Variants in PFAS observed in about 807,000 individuals in gnomAD.
The protein encoded by PFAS is phosphoribosylformylglycinamidine synthase.
In PFAS, 97 loss-of-function variants were observed where a neutral mutation model predicts 140.6. The ratio of observed to expected loss-of-function variants is 0.69; its 90% CI spans 0.59 to 0.82. The LOEUF (loss-of-function observed/expected upper bound fraction) is 0.82, where lower values mean the gene tolerates loss of function less well. PFAS is among the 40% of genes least tolerant of loss of function. The pLI is 0.00. For synonymous variants in PFAS, 679 were observed against 718.8 expected, an observed-to-expected ratio of 0.94 and a Z score of 0.88; for missense variants, 1,656 against 1,780.2, an observed-to-expected ratio of 0.93 and a Z score of 1.26.
intron 3 of PFAS, 147 bp from the exon 4 acceptor site, chr17:8,254,880 G>A (rs1412170027): frequency 3.2e-6 from 2 of 617,660 alleles, no homozygotes; most frequent in Non-Finnish European, 5.9e-6. Flanking sequence ...TTTAAAAGCA[G>A]GTTTCTTGTT....
At position 8,267,259 on chromosome 17, in the gene PFAS, C is replaced by G; in HGVS notation, c.3175+24C>G. The G allele has an allele frequency of 6.3e-7, 1 of 1,599,050 alleles. No homozygotes were observed. Among genetic ancestry groups the G allele is most frequent in the African/African-American group, 1.3e-5 (1 of 74,774 alleles). Reference sequence around the variant, plus strand: ...TGGTGAGGGAGTGTGTGCAGAGGCTCCGCGTCCTGGGGGCACTGAGCCTGG... The same window carrying G: ...TGGTGAGGGAGTGTGTGCAGAGGCTGCGCGTCCTGGGGGCACTGAGCCTGG... On this transcript the variant is annotated intron_variant, in intron 24 of 27. Transcript: ENST00000314666. This position sits in a 1 kb window ranked among gnomAD's most constrained non-coding sequence, Gnocchi z 4.9.
rs1029346913 is a variant in PFAS, at chr17:8,267,882, T to C, written c.3382+217T>C. On this transcript the variant is annotated intron_variant, in intron 26 of 27. Transcript: ENST00000314666. This position sits in a 1 kb window ranked among gnomAD's most constrained non-coding sequence, Gnocchi z 4.9. ...TATATACACATATGTAATTAAAATA[T>C]ATATTATTAAATATATATTATTTAT... 2.1e-5 allele frequency among the ~76,000 whole-genome samples: 3 copies of C among 146,314 alleles called. No homozygotes were observed. The highest frequency in any genetic ancestry group is 4.5e-5 in the Non-Finnish European group (3 of 66,850).
chr17:8,248,884 T>C (rs542964894), upstream of PFAS, among the ~76,000 whole-genome samples: 1 of 152,290 alleles, frequency 6.6e-6, no homozygotes, highest in East Asian at 1.9e-4. Flanking sequence ...AGTGACATCC[T>C]GTCCGGCATC....
At chr17:8,253,572 T>C (rs1419972298) in intron 1 of PFAS, among the ~76,000 whole-genome samples, 3 of 152,160 alleles carry the variant, frequency 2.0e-5, no homozygotes, top group Non-Finnish European at 2.9e-5. Flanking sequence ...GGAGTTTTGC[T>C]CTTGTTGCCC....
chr17:8,260,833 C>T (rs142045903), intron 11 of PFAS, among the ~76,000 whole-genome samples: 171 of 152,174 alleles, frequency 1.1e-3, no homozygotes, highest in African/African-American at 3.8e-3. Flanking sequence ...GCCGTGTTAG[C>T]CAGGGTGGTC....
At chr17:8,256,707 C>T in intron 8 of PFAS, 59 bp downstream of exon 8, 1 of 1,592,544 alleles carries the variant, frequency 6.3e-7, no homozygotes. Context: ...GGCAAAGGTC[C>T]CAGGCCCCTG....
chr17:8,266,740 A>G lies in PFAS; in HGVS notation c.2822-13A>G. On this transcript the variant is annotated splice_polypyrimidine_tract_variant and intron_variant, in intron 22 of 27. Transcript: ENST00000314666. The surrounding 1 kb of genome is among the most constrained non-coding windows in gnomAD (Gnocchi z 5.0). ...TTCTTGCATCCCCCTGACTCCCCAC[A>G]TTGCTCTCCCAGTCCTGTCTGTGCT... The G allele has an allele frequency of 6.3e-7, 1 of 1,587,842 alleles. No homozygotes were observed. Among genetic ancestry groups the G allele is most frequent in the Non-Finnish European group, 8.6e-7 (1 of 1,168,778 alleles).
At chr17:8,263,301 C>A in intron 13 of PFAS, 36 bp downstream of exon 13, 1 of 1,609,088 alleles carries the variant, frequency 6.2e-7, no homozygotes, top group Non-Finnish European at 8.5e-7. Context: ...ACTGGGCCTG[C>A]CTGGTATCCT....
Position 8,254,083 on chromosome 17 carries a change from G to A in PFAS, c.142+4G>A, listed in dbSNP as rs1016290747. The stretch of plus-strand genomic sequence containing the variant: ...TGCTACAACGTGAACTGGACAGGTT[G>A]GGCCCAGGTATTAGATTCTTGGGGG... On this transcript the variant is annotated splice_donor_region_variant and intron_variant, in intron 2 of 27. Coordinates refer to ENST00000314666, the MANE Select transcript of PFAS (RefSeq NM_012393.3). The A allele has an allele frequency of 6.2e-7, 1 of 1,613,980 alleles. No individual in the cohort carries two copies. Among genetic ancestry groups the A allele is most frequent in the Non-Finnish European group, 8.5e-7 (1 of 1,179,868 alleles).
In PFAS at chr17:8,264,938, T is replaced by TG. The variant is rs1299828520; in HGVS notation, c.2097dup (p.Pro700AlafsTer17). The TG allele has an allele frequency of 6.2e-7, 1 of 1,607,654 alleles. No homozygotes were observed. On this transcript the variant is annotated frameshift_variant, in exon 18 of 28. Coordinates refer to ENST00000314666, the MANE Select transcript of PFAS (RefSeq NM_012393.3). LOFTEE classifies it high-confidence loss of function. ...GGCCTGGTGGCCCAGCAGCAGTGCGTGGGGCCCCTGCAAACTCCTCTGGCA... is the reference window on the plus strand; with the variant it reads ...GGCCTGGTGGCCCAGCAGCAGTGCGTGGGGGCCCCTGCAAACTCCTCTGGCA...
rs955595515 is a variant in PFAS at position 8,254,265 on chromosome 17, C to T, written c.242C>T (p.Pro81Leu). The change falls in exon 3 of 28, where the codon CCT (proline) becomes CTT (leucine). Residue 81 changes from proline to leucine, a missense_variant. By Grantham distance (98) the Pro-to-Leu change is moderately conservative. Coordinates refer to ENST00000314666, the MANE Select transcript of PFAS (RefSeq NM_012393.3). Reference protein sequence around the residue: ...DDVARESWLLPGSNDLLLEVG... With the variant: ...DDVARESWLLLGSNDLLLEVG... ...GTTGCTCGGGAGTCCTGGCTCCTTCCTGGCTCCAATGACCTGCTGCTGGAG... is the reference window on the plus strand; with the variant it reads ...GTTGCTCGGGAGTCCTGGCTCCTTCTTGGCTCCAATGACCTGCTGCTGGAG... 6.2e-7 allele frequency: 1 copy of T among 1,614,128 alleles called. No individual in the cohort carries two copies. The highest frequency in any genetic ancestry group is 8.5e-7 in the Non-Finnish European group (1 of 1,180,006).
Position 8,258,174 on chromosome 17 carries a change from C to T in PFAS, c.1311C>T (p.His437=), listed in dbSNP as rs753419901. The T allele has an allele frequency of 6.2e-7, 1 of 1,614,004 alleles. No individual in the cohort carries two copies. Among genetic ancestry groups the T allele is most frequent in the African/African-American group, 1.3e-5 (1 of 74,934 alleles). Residue 437 remains histidine, a synonymous_variant, in exon 11 of 28, where the codon CAC becomes CAT. Coordinates refer to ENST00000314666, the MANE Select transcript of PFAS (RefSeq NM_012393.3). Reference sequence around the variant, plus strand: ...GCATTGGGTCCATGGAAGCTGACCACATAAGCAAGGAGGCCCCAGAGCCAG... The same window carrying T: ...GCATTGGGTCCATGGAAGCTGACCATATAAGCAAGGAGGCCCCAGAGCCAG... ...SGGIGSMEAD[H]ISKEAPEPGM...
intron 1 of PFAS, among the ~76,000 whole-genome samples, chr17:8,252,064 C>G (rs981070276): frequency 1.3e-5 from 2 of 151,864 alleles, no homozygotes; most frequent in Non-Finnish European, 2.9e-5. Flanking sequence ...GAGTCCGAGG[C>G]GGGCAGATCA....
intron 11 of PFAS, among the ~76,000 whole-genome samples, chr17:8,260,396 A>C (rs1328158851): frequency 6.6e-6 from 1 of 152,184 alleles, no homozygotes; most frequent in Non-Finnish European, 1.5e-5. Flanking sequence ...GGAATCATAC[A>C]ATATGCGGCC....
chr17:8,263,599 AC>A lies in PFAS; in HGVS notation c.1595del (p.Pro532GlnfsTer18), dbSNP rs1301355786. On this transcript the variant is annotated frameshift_variant, in exon 14 of 28. Coordinates refer to ENST00000314666, the MANE Select transcript of PFAS (RefSeq NM_012393.3). LOFTEE classifies it high-confidence loss of function. ...GGCAATGTCCTAAAAGAGCTGAGTG[AC>A]CCAGCTGGAGCCATCATTTACACCA... The part of the protein sequence containing the change: ...GNGNVLKELS[D>X]PAGAIIYTSR... The A allele has an allele frequency of 6.2e-7, 1 of 1,614,014 alleles. No individual in the cohort carries two copies. Among genetic ancestry groups the A allele is most frequent in the Non-Finnish European group, 8.5e-7 (1 of 1,179,968 alleles).
At position 8,255,075 on chromosome 17, in the gene PFAS, C is replaced by T. The variant is rs766060178; in HGVS notation, c.327C>T (p.Arg109=). 11 of 1,613,826 alleles carry T rather than the reference C, an allele frequency of 6.8e-6. No individual in the cohort carries two copies. The highest frequency in any genetic ancestry group is 1.7e-5 in the Admixed American group (1 of 59,998). The part of the protein sequence containing the change: ...PTSTNIVSVC[R]ATGLGPVDRV... Reference sequence around the variant, plus strand: ...CCACCAACATCGTGTCAGTGTGCCGCGCCACTGGGCTGGGGCCTGTGGATC... The same window carrying T: ...CCACCAACATCGTGTCAGTGTGCCGTGCCACTGGGCTGGGGCCTGTGGATC... Residue 109 remains arginine (R), a synonymous_variant, in exon 4 of 28, where the codon CGC becomes CGT. Transcript: ENST00000314666.
chr17:8,256,982 C>G lies in PFAS; in HGVS notation c.1075+19C>G. On this transcript the variant is annotated intron_variant, in intron 9 of 27. Transcript: ENST00000314666. ...ATTCCAGGTTCCATCTCCTTCCTCT[C>G]TATCCACCTTCCCTTCCAGATTCCT... 1 of 1,613,738 alleles carries G rather than the reference C, an allele frequency of 6.2e-7. No individual in the cohort carries two copies.
chr17:8,259,472 T>C (rs1018613802), intron 11 of PFAS, among the ~76,000 whole-genome samples: 1 of 152,064 alleles, frequency 6.6e-6, no homozygotes, highest in Non-Finnish European at 1.5e-5. Flanking sequence ...AATGAGTACA[T>C]TCTAAAATAA....
intron 7 of PFAS, 49 bp downstream of exon 7, chr17:8,256,456 C>T (rs761112973): frequency 6.2e-7 from 1 of 1,613,692 alleles, no homozygotes; most frequent in South Asian, 1.1e-5. Context: ...GAGGGGAGGC[C>T]CCAGGCCCTG....
Sources: allele counts gnomAD v4.1 joint callset (sites outside exome capture counted in the v4.1 genomes callset), GRCh38; gene constraint gnomAD v4.1.1; non-coding constraint Gnocchi (gnomAD v3.1); transcripts MANE v1.5; gene names NCBI Gene and HGNC (gene_info 2026-07-23, HGNC 2026-07-21).